CNTNAP2: variants seen among roughly 807,000 people sequenced by gnomAD.
CNTNAP2 encodes contactin associated protein 2.
Under a neutral mutation model 155.2 loss-of-function variants are expected in CNTNAP2, and 98 were observed. The observed-to-expected ratio is 0.63, with a 90% CI of 0.54 to 0.75. The LOEUF is 0.75. Among genes scored for constraint, CNTNAP2 ranks in the 30% least tolerant of loss-of-function variants. CNTNAP2 has a pLI of 0.00. For missense variants in CNTNAP2, 1,727 were observed against 1,688.1 expected (o/e 1.02, Z -0.40); for synonymous variants, 651 against 631.2 (o/e 1.03, Z -0.47).
intron 21 of CNTNAP2, among the ~76,000 whole-genome samples, chr7:148,275,218 A>G (rs1360505870): frequency 6.6e-6 from 1 of 152,228 alleles, no homozygotes; most frequent in African/African-American, 2.4e-5. Context: ...TTAGAGCTTC[A>G]GTTTCTGGAA....
intron 10 of CNTNAP2, among the ~76,000 whole-genome samples, chr7:147,453,413 G>A (rs1475062857): frequency 6.6e-6 from 1 of 152,028 alleles, no homozygotes; most frequent in Non-Finnish European, 1.5e-5. Context: ...AGTGATAGGT[G>A]GTCTCCCCAT....
chr7:147,374,686 A>G (rs886391696), intron 9 of CNTNAP2, among the ~76,000 whole-genome samples: 1 of 152,030 alleles, frequency 6.6e-6, no homozygotes, highest in Non-Finnish European at 1.5e-5. Context: ...TGCTTCCTCC[A>G]GAGGAGGAGC....
chr7:147,525,192 T>G (rs1161626116), intron 11 of CNTNAP2, among the ~76,000 whole-genome samples: 2 of 152,182 alleles, frequency 1.3e-5, no homozygotes, highest in Admixed American at 1.3e-4. Flanking sequence ...AAGTTGAGAA[T>G]CAGAAACATG....
At chr7:148,320,171 A>G (rs893973393) in intron 21 of CNTNAP2, among the ~76,000 whole-genome samples, 11 of 152,058 alleles carry the variant, frequency 7.2e-5, no homozygotes, top group African/African-American at 2.7e-4. Context: ...CCCAGGGCTG[A>G]TGTACAGTTT....
At chr7:146,911,153 A>G (rs1796266467) in intron 3 of CNTNAP2, among the ~76,000 whole-genome samples, 1 of 152,078 alleles carries the variant, frequency 6.6e-6, no homozygotes, top group Non-Finnish European at 1.5e-5. Context: ...AAGTCAGGAT[A>G]CAACAGGTGC....
intron 1 of CNTNAP2, among the ~76,000 whole-genome samples, chr7:146,707,830 T>A (rs1800992472): frequency 6.6e-6 from 1 of 152,174 alleles, no homozygotes; most frequent in African/African-American, 2.4e-5. Context: ...CCTTCAAAGG[T>A]TAACTCTTTG....
At chr7:148,045,808 C>T (rs1379817960) in intron 15 of CNTNAP2, among the ~76,000 whole-genome samples, 1 of 152,140 alleles carries the variant, frequency 6.6e-6, no homozygotes, top group East Asian at 1.9e-4. Context: ...ATCAAACAAC[C>T]CAACAGATAA....
intron 1 of CNTNAP2, among the ~76,000 whole-genome samples, chr7:146,750,605 G>A (rs186944): frequency 0.026 from 3,924 of 152,184 alleles, 165 homozygotes; most frequent in African/African-American, 0.09. Flanking sequence ...AGCATTTGCC[G>A]AGGATTTTCT....
chr7:148,405,420 ATTTTTTTT>A (rs36020816), intron 22 of CNTNAP2, among the ~76,000 whole-genome samples: 1 of 64,308 alleles, frequency 1.6e-5, no homozygotes, highest in Admixed American at 1.9e-4. Context: ...TACCATTGTA[ATTTTTTTT>A]TTTTTTTTTT....
chr7:147,412,671 G>A (rs1422584324), intron 10 of CNTNAP2, among the ~76,000 whole-genome samples: 1 of 152,104 alleles, frequency 6.6e-6, no homozygotes, highest in Non-Finnish European at 1.5e-5. Flanking sequence ...CATAAAAAAG[G>A]ACTATGAAAT....
At chr7:147,830,093 A>AATAC (rs1431924657) in intron 13 of CNTNAP2, among the ~76,000 whole-genome samples, 1 of 151,874 alleles carries the variant, frequency 6.6e-6, no homozygotes, top group Non-Finnish European at 1.5e-5. Context: ...TGGGGCATTC[A>AATAC]ATACATATGT....
intron 20 of CNTNAP2, among the ~76,000 whole-genome samples, chr7:148,251,403 A>G (rs1319250027): frequency 6.6e-6 from 1 of 152,216 alleles, no homozygotes; most frequent in Non-Finnish European, 1.5e-5. Context: ...CTCCCTGCAC[A>G]TCAGTGTGTG....
At chr7:147,491,148 A>G (rs1343062535) in intron 11 of CNTNAP2, among the ~76,000 whole-genome samples, 1 of 152,148 alleles carries the variant, frequency 6.6e-6, no homozygotes. Context: ...ATTGGAATCC[A>G]TCCTTTGGGG....
At chr7:146,509,713 C>T (rs138135189) in intron 1 of CNTNAP2, among the ~76,000 whole-genome samples, 131 of 152,254 alleles carry the variant, frequency 8.6e-4, no homozygotes, top group African/African-American at 2.9e-3. Flanking sequence ...TGTACGTCGG[C>T]CTTCAGGCTC....
At chr7:147,576,574 GA>G (rs1279205097) in intron 12 of CNTNAP2, among the ~76,000 whole-genome samples, 1 of 152,002 alleles carries the variant, frequency 6.6e-6, no homozygotes, top group East Asian at 1.9e-4. Context: ...ATCTATTTAA[GA>G]ATCAGGCCTC....
At chr7:147,463,958 T>TAAAAAAA (rs34032978) in intron 10 of CNTNAP2, among the ~76,000 whole-genome samples, 40 of 82,950 alleles carry the variant, frequency 4.8e-4, no homozygotes, top group East Asian at 2.6e-3. Flanking sequence ...GCCCCACTAC[T>TAAAAAAA]AAAAAAAAAA....
intron 8 of CNTNAP2, chr7:147,161,729 T>C (rs879010073): frequency 6.6e-6 from 1 of 152,212 alleles, no homozygotes; most frequent in Non-Finnish European, 1.5e-5. Context: ...TCACTCAAAA[T>C]TGAAATATTT....
At chr7:147,135,857 T>G (rs1302492536) in intron 8 of CNTNAP2, among the ~76,000 whole-genome samples, 3 of 151,526 alleles carry the variant, frequency 2.0e-5, no homozygotes, top group Non-Finnish European at 4.4e-5. Flanking sequence ...CGACCTGACC[T>G]GCATTCTTTT....
intron 10 of CNTNAP2, among the ~76,000 whole-genome samples, chr7:147,447,550 A>G (rs763121072): frequency 2.2e-4 from 34 of 152,058 alleles, no homozygotes; most frequent in Non-Finnish European, 3.5e-4. Flanking sequence ...CCAAGTAGCT[A>G]GGACTACAGG....
Sources: gnomAD v4.1 joint callset for allele counts (sites outside exome capture counted in the v4.1 genomes callset) on GRCh38, gnomAD v4.1.1 for gene constraint, MANE v1.5 for transcripts, NCBI Gene and HGNC (gene_info 2026-07-23, HGNC 2026-07-21) for gene names.